GALNT17: variants seen among roughly 807,000 people sequenced by gnomAD.
The protein encoded by GALNT17 is polypeptide N-acetylgalactosaminyltransferase 17.
In GALNT17, 29 loss-of-function variants were observed where a neutral mutation model predicts 63.7. The ratio of observed to expected loss-of-function variants is 0.46; its 90% CI spans 0.34 to 0.62. The LOEUF (loss-of-function observed/expected upper bound fraction) is 0.62, where lower values mean the gene tolerates loss of function less well. Ranked by LOEUF, GALNT17 falls within the 20% of genes least tolerant of loss-of-function variation. GALNT17 has a pLI of 0.01. For synonymous variants in GALNT17, 305 were observed against 318.3 expected, an observed-to-expected ratio of 0.96 and a Z score of 0.45; for missense variants, 603 against 799.6, an observed-to-expected ratio of 0.75 and a Z score of 2.97.
intron 5 of GALNT17, among the ~76,000 whole-genome samples, chr7:71,489,926 A>AGGC (rs1787978266): frequency 6.6e-6 from 1 of 152,150 alleles, no homozygotes; most frequent in Non-Finnish European, 1.5e-5. Context: ...TGGGAGGCCA[A>AGGC]GGCGGGAGGA....
rs1429696638 is a variant in GALNT17 at position 71,377,098 on chromosome 7, A to T, written c.423-11137A>T. On this transcript the variant is annotated intron_variant, in intron 2 of 10. Transcript: ENST00000333538. The stretch of plus-strand genomic sequence containing the variant: ...GATATTCCATCTCAAAAAAAAAAAA[A>T]AATAAAAATAAAAAAAATATATATA... Among the ~76,000 whole-genome samples, 58 of 60,632 alleles carry T rather than the reference A, an allele frequency of 9.6e-4. 11 individuals are homozygous for T. The highest frequency in any genetic ancestry group is 5.0e-3 in the African/African-American group (45 of 9,080). The allele number at this position is 60,632 out of a possible 152,430, so 39.8% of individuals were successfully genotyped here.
chr7:71,632,721 G>A (rs140399438), intron 6 of GALNT17, among the ~76,000 whole-genome samples: 10 of 152,216 alleles, frequency 6.6e-5, no homozygotes, highest in East Asian at 3.9e-4. Context: ...TTGTGAGCCC[G>A]GGGAACCTGT....
intron 5 of GALNT17, among the ~76,000 whole-genome samples, chr7:71,495,510 T>G (rs545692792): frequency 1.3e-5 from 2 of 152,292 alleles, no homozygotes; most frequent in South Asian, 4.1e-4. Context: ...ATTATCATTA[T>G]TTTTATTTTA....
At chr7:71,273,091 G>GTT (rs79048419) in intron 1 of GALNT17, among the ~76,000 whole-genome samples, 42,307 of 151,656 alleles carry the variant, frequency 0.28, 7,282 homozygotes, top group Admixed American at 0.39. Context: ...CCATCTTATT[G>GTT]TTTTTTTAAC....
intron 5 of GALNT17, among the ~76,000 whole-genome samples, chr7:71,505,105 G>A (rs900721318): frequency 6.6e-6 from 1 of 152,172 alleles, no homozygotes; most frequent in African/African-American, 2.4e-5. Flanking sequence ...TTGACCCACA[G>A]AACCCAGTGT....
intron 5 of GALNT17, among the ~76,000 whole-genome samples, chr7:71,568,161 C>T (rs1789380945): frequency 6.6e-6 from 1 of 152,172 alleles, no homozygotes; most frequent in African/African-American, 2.4e-5. Context: ...TTTGCCAGTT[C>T]CTCCATGAAG....
chr7:71,616,825 A>G (rs1790212201), intron 6 of GALNT17, among the ~76,000 whole-genome samples: 1 of 65,128 alleles, frequency 1.5e-5, no homozygotes, highest in Admixed American at 1.4e-4. Flanking sequence ...TTATATAATC[A>G]TATTATATAT....
chr7:71,165,886 C>G (rs928884482), intron 1 of GALNT17, among the ~76,000 whole-genome samples: 1 of 152,106 alleles, frequency 6.6e-6, no homozygotes. Flanking sequence ...AAATAAACCT[C>G]CCTGACTGGG....
intron 5 of GALNT17, among the ~76,000 whole-genome samples, chr7:71,569,825 T>G (rs945304964): frequency 6.6e-6 from 1 of 152,202 alleles, no homozygotes; most frequent in African/African-American, 2.4e-5. Flanking sequence ...ATTGTGAATA[T>G]TGCTGCAATG....
intron 2 of GALNT17, among the ~76,000 whole-genome samples, chr7:71,347,203 C>T (rs1275114040): frequency 6.6e-6 from 1 of 152,032 alleles, no homozygotes; most frequent in African/African-American, 2.4e-5. Flanking sequence ...ATCTGGGCCA[C>T]CTAAAAACCT....
At chr7:71,624,086 G>T (rs1190657333) in intron 6 of GALNT17, among the ~76,000 whole-genome samples, 1 of 152,186 alleles carries the variant, frequency 6.6e-6, no homozygotes, top group East Asian at 1.9e-4. Context: ...TGCGATGTCG[G>T]CGGCTGTCCC....
intron 5 of GALNT17, among the ~76,000 whole-genome samples, chr7:71,535,113 G>A (rs1788783401): frequency 6.6e-6 from 1 of 152,156 alleles, no homozygotes; most frequent in Non-Finnish European, 1.5e-5. Flanking sequence ...AAGATGTGAG[G>A]AAGGGCCACG....
chr7:71,259,144 C>T (rs921048829), intron 1 of GALNT17, among the ~76,000 whole-genome samples: 1 of 152,088 alleles, frequency 6.6e-6, no homozygotes, highest in South Asian at 2.1e-4. Context: ...GGAGCTCTTA[C>T]CTTCAGAGGG....
chr7:71,372,599 G>A (rs894283123), intron 2 of GALNT17, among the ~76,000 whole-genome samples: 1 of 152,248 alleles, frequency 6.6e-6, no homozygotes, highest in East Asian at 1.9e-4. Flanking sequence ...CTACAGGCAT[G>A]TGCCACCACA....
intron 9 of GALNT17, among the ~76,000 whole-genome samples, chr7:71,692,525 TTCAC>T (rs1458229665): frequency 1.3e-5 from 2 of 152,074 alleles, no homozygotes; most frequent in East Asian, 1.9e-4. Context: ...GATGCAGAAC[TTCAC>T]AGTAGCCTCA....
chr7:71,482,737 G>A (rs1053832964), intron 5 of GALNT17, among the ~76,000 whole-genome samples: 1 of 152,140 alleles, frequency 6.6e-6, no homozygotes, highest in African/African-American at 2.4e-5. Flanking sequence ...TTAGCACTAG[G>A]GGCCGGTTTT....
intron 6 of GALNT17, among the ~76,000 whole-genome samples, chr7:71,665,079 C>G (rs564039): frequency 0.99 from 150,127 of 152,270 alleles, 74,024 homozygotes; most frequent in East Asian, 1. Flanking sequence ...CCGGGTTCAA[C>G]TGATTCTTGT....
intron 5 of GALNT17, among the ~76,000 whole-genome samples, chr7:71,474,779 C>T (rs1215169013): frequency 1.3e-5 from 2 of 152,140 alleles, no homozygotes; most frequent in African/African-American, 4.8e-5. Context: ...AATCCTAGAA[C>T]CTGTGAATGT....
At chr7:71,350,649 G>A (rs1369611942) in intron 2 of GALNT17, among the ~76,000 whole-genome samples, 1 of 152,144 alleles carries the variant, frequency 6.6e-6, no homozygotes, top group African/African-American at 2.4e-5. Context: ...GGAGATGTGA[G>A]TAGGTTATGC....
Sources: allele counts gnomAD v4.1 joint callset (sites outside exome capture counted in the v4.1 genomes callset), GRCh38; gene constraint gnomAD v4.1.1; transcripts MANE v1.5; gene names NCBI Gene and HGNC (gene_info 2026-07-23, HGNC 2026-07-21).